FAM110B: variants seen among roughly 807,000 people sequenced by gnomAD.
FAM110B encodes the protein family with sequence similarity 110 member B.
FAM110B carries 6 observed loss-of-function variants against 20.4 expected under a neutral mutation model. The ratio of observed to expected loss-of-function variants is 0.29; its 90% CI spans 0.16 to 0.58. The LOEUF (loss-of-function observed/expected upper bound fraction) is 0.58. Ranked by LOEUF, FAM110B falls within the 20% of genes least tolerant of loss-of-function variation. The pLI, the probability that FAM110B is intolerant of heterozygous loss-of-function variation, is 0.90. For missense variants in FAM110B, 434 were observed against 498.2 expected, an observed-to-expected ratio of 0.87 and a Z score of 1.23; for synonymous variants, 226 against 214.1, an observed-to-expected ratio of 1.06 and a Z score of -0.49.
chr8:58,012,390 G>A lies in FAM110B; in HGVS notation c.-512+17584G>A, dbSNP rs73250492. ...TGTTTAAACTCTACACCGAGAAGATGGAAGTTATTTTGTTCAAACTTTTAT... is the reference window on the plus strand; with the variant it reads ...TGTTTAAACTCTACACCGAGAAGATAGAAGTTATTTTGTTCAAACTTTTAT... On this transcript the variant is annotated intron_variant, in intron 1 of 3. Coordinates refer to ENST00000519262, the MANE Select transcript of FAM110B (RefSeq NM_001377989.1). Among the ~76,000 whole-genome samples the A allele has an allele frequency of 9.0e-3, 1,367 of 152,026 alleles. 20 individuals are homozygous for A. The highest frequency in any genetic ancestry group is 0.031 in the African/African-American group (1,273 of 41,458).
At chr8:58,056,020 A>G (rs1303706935) in intron 2 of FAM110B, among the ~76,000 whole-genome samples, 1 of 152,184 alleles carries the variant, frequency 6.6e-6, no homozygotes, top group Non-Finnish European at 1.5e-5. Flanking sequence ...TTGGCAAACT[A>G]TTGCCTGTGT....
intron 2 of FAM110B, among the ~76,000 whole-genome samples, chr8:58,067,681 G>A (rs760784118): frequency 1.4e-4 from 21 of 152,324 alleles, no homozygotes; most frequent in South Asian, 8.3e-4. Context: ...CATTACAACA[G>A]AAGCTCCTTT....
At chr8:58,099,452 A>G (rs1806721980) in intron 3 of FAM110B, among the ~76,000 whole-genome samples, 1 of 152,216 alleles carries the variant, frequency 6.6e-6, no homozygotes, top group Non-Finnish European at 1.5e-5. Context: ...ATTAAACTGT[A>G]TTTATTATAG....
intron 1 of FAM110B, among the ~76,000 whole-genome samples, chr8:58,010,051 C>G (rs1181162317): frequency 6.6e-6 from 1 of 152,156 alleles, no homozygotes; most frequent in Admixed American, 6.5e-5. Context: ...GTGTCTCACT[C>G]TGTCATCCAG....
At chr8:58,000,067 A>G (rs1284137052) in intron 1 of FAM110B, among the ~76,000 whole-genome samples, 1 of 152,204 alleles carries the variant, frequency 6.6e-6, no homozygotes, top group Non-Finnish European at 1.5e-5. Flanking sequence ...TATTTATAAA[A>G]CGAGTATTTA....
intron 3 of FAM110B, chr8:58,091,353 C>A (rs968752956): frequency 1.3e-5 from 2 of 152,208 alleles, no homozygotes; most frequent in African/African-American, 4.8e-5. Context: ...GTAGCCTCTC[C>A]CTTACCCAAG....
At chr8:58,046,088 C>A (rs1805314376) in intron 2 of FAM110B, among the ~76,000 whole-genome samples, 1 of 152,142 alleles carries the variant, frequency 6.6e-6, no homozygotes, top group African/African-American at 2.4e-5. Flanking sequence ...GTTCTAATAC[C>A]ATCACCATGC....
At chr8:58,133,205 G>GTTT (rs59489059) in intron 3 of FAM110B, among the ~76,000 whole-genome samples, 10 of 140,130 alleles carry the variant, frequency 7.1e-5, no homozygotes, top group East Asian at 2.1e-4. Flanking sequence ...GCTCGATTTT[G>GTTT]TTTTTTTTTT....
intron 3 of FAM110B, among the ~76,000 whole-genome samples, chr8:58,096,682 G>T (rs892472732): frequency 1.3e-5 from 2 of 152,178 alleles, no homozygotes; most frequent in East Asian, 3.8e-4. Flanking sequence ...GCTGGTACTG[G>T]TTGTTCCTTT....
At chr8:58,081,797 T>C (rs555569011) in intron 3 of FAM110B, among the ~76,000 whole-genome samples, 2 of 152,308 alleles carry the variant, frequency 1.3e-5, no homozygotes, top group African/African-American at 4.8e-5. Context: ...CAATGGGTTT[T>C]TTTTTTCTTA....
chr8:58,101,825 C>T (rs1452392754), intron 3 of FAM110B, among the ~76,000 whole-genome samples: 2 of 152,010 alleles, frequency 1.3e-5, no homozygotes, highest in Admixed American at 1.3e-4. Flanking sequence ...CCTCTTGGTA[C>T]CCATTTCTCT....
At chr8:58,079,890 G>T (rs1051215326) in intron 3 of FAM110B, among the ~76,000 whole-genome samples, 4 of 152,204 alleles carry the variant, frequency 2.6e-5, no homozygotes, top group Non-Finnish European at 5.9e-5. Flanking sequence ...AATAGAAATT[G>T]TGTAATTGTA....
intron 3 of FAM110B, among the ~76,000 whole-genome samples, chr8:58,104,742 A>C (rs1806867697): frequency 6.6e-6 from 1 of 152,158 alleles, no homozygotes; most frequent in South Asian, 2.1e-4. Flanking sequence ...CAATCAGAAT[A>C]CAGGTACATT....
At chr8:58,056,084 C>T (rs144678768) in intron 2 of FAM110B, among the ~76,000 whole-genome samples, 191 of 152,168 alleles carry the variant, frequency 1.3e-3, no homozygotes, top group African/African-American at 4.0e-3. Flanking sequence ...AGCACACAAC[C>T]GTGATCATTT....
At chr8:58,054,951 T>C (rs1214366695) in intron 2 of FAM110B, among the ~76,000 whole-genome samples, 1 of 152,194 alleles carries the variant, frequency 6.6e-6, no homozygotes, top group Non-Finnish European at 1.5e-5. Context: ...AACAGCTGTT[T>C]AGTATTGAAT....
intron 1 of FAM110B, among the ~76,000 whole-genome samples, chr8:58,004,740 A>G (rs1034225136): frequency 1.3e-5 from 2 of 152,170 alleles, no homozygotes; most frequent in Admixed American, 1.3e-4. Context: ...GCAAAACCCC[A>G]TCTCAAACAA....
intron 2 of FAM110B, among the ~76,000 whole-genome samples, chr8:58,044,770 A>G (rs1805288469): frequency 6.6e-6 from 1 of 152,246 alleles, no homozygotes; most frequent in East Asian, 1.9e-4. Flanking sequence ...TCAGGGCATC[A>G]TGGATGCTCT....
At chr8:58,071,367 A>G (rs1195397887) in intron 2 of FAM110B, among the ~76,000 whole-genome samples, 1 of 152,226 alleles carries the variant, frequency 6.6e-6, no homozygotes, top group Non-Finnish European at 1.5e-5. Flanking sequence ...TAGAGTCCAC[A>G]GAAACTTGTG....
At chr8:58,120,960 G>A (rs1003723166) in intron 3 of FAM110B, among the ~76,000 whole-genome samples, 1 of 152,150 alleles carries the variant, frequency 6.6e-6, no homozygotes, top group Non-Finnish European at 1.5e-5. Flanking sequence ...ACTCCCTTCA[G>A]TTACACCCTT....
Sources: gnomAD v4.1 joint callset for allele counts (sites outside exome capture counted in the v4.1 genomes callset) on GRCh38, gnomAD v4.1.1 for gene constraint, MANE v1.5 for transcripts, NCBI Gene and HGNC (gene_info 2026-07-23, HGNC 2026-07-21) for gene names.